Variants in GBP3 observed in about 807,000 individuals in gnomAD.
GBP3 encodes the protein guanylate binding protein 3.
A neutral mutation model predicts 62.4 loss-of-function variants in GBP3; 55 were observed. That is an observed-to-expected ratio of 0.88 (90% confidence interval 0.71 to 1.10). The LOEUF (loss-of-function observed/expected upper bound fraction) is 1.10, where lower values mean the gene tolerates loss of function less well. Among genes scored for constraint, GBP3 ranks in the 50% least tolerant of loss-of-function variants. GBP3 has a pLI of 0.00. For missense variants in GBP3, 605 were observed against 690.6 expected, an observed-to-expected ratio of 0.88 and a Z score of 1.39; for synonymous variants, 208 against 259.2, an observed-to-expected ratio of 0.80 and a Z score of 1.90.
chr1:89,022,176 T>G (rs1679277285), intron 1 of GBP3, among the ~76,000 whole-genome samples: 2 of 152,240 alleles, frequency 1.3e-5, no homozygotes, highest in Admixed American at 1.3e-4. Context: ...AATGTTCCTC[T>G]TTGATGCTGG....
chr1:89,014,780 A>G, intron 3 of GBP3, 124 bp from the exon 4 acceptor site: 1 of 1,184,498 alleles, frequency 8.4e-7, no homozygotes, highest in Non-Finnish European at 1.2e-6. Flanking sequence ...CTATGAAAAG[A>G]ACCCAAATCC....
chr1:89,015,056 A>G (rs533075299), intron 3 of GBP3, among the ~76,000 whole-genome samples: 1 of 152,240 alleles, frequency 6.6e-6, no homozygotes, highest in African/African-American at 2.4e-5. Context: ...CACATAGCTT[A>G]CAACCTATGG....
At chr1:89,015,473 A>T in intron 2 of GBP3, 59 bp from the exon 3 acceptor site, 5 of 1,513,798 alleles carry the variant, frequency 3.3e-6, no homozygotes, top group Non-Finnish European at 4.5e-6. Flanking sequence ...ACTTCAGGAA[A>T]TTGAGGCAAA....
rs985034618 is a variant in GBP3, at chr1:89,012,619, T to C, written c.868+566A>G. Among the ~76,000 whole-genome samples the C allele has an allele frequency of 1.3e-4, 18 of 138,810 alleles. 3 individuals are homozygous for C. Among genetic ancestry groups the C allele is most frequent in the African/African-American group, 4.0e-4 (16 of 40,498 alleles). 91.1% of individuals were successfully genotyped at this position (138,810 alleles called of 152,430 possible). On this transcript the variant is annotated intron_variant, in intron 6 of 10. Transcript: ENST00000370481. The stretch of plus-strand genomic sequence containing the variant: ...TTATTTTAATTAATTTACATTTACA[T>C]TTAGATAGCCCCACTTGTCTAGTGG...
chr1:89,013,947 C>G (rs1009696276), intron 5 of GBP3, 136 bp downstream of exon 5: 23 of 922,792 alleles, frequency 2.5e-5, no homozygotes, highest in Non-Finnish European at 3.2e-5. Context: ...TTGCTAATAG[C>G]AAGCATTAAT....
intron 3 of GBP3, 75 bp downstream of exon 3, chr1:89,015,212 T>C: frequency 4.2e-6 from 6 of 1,419,362 alleles, no homozygotes; most frequent in Non-Finnish European, 5.7e-6. Context: ...AACTCTTCTT[T>C]AAGAAAAAAC....
At position 89,008,683 on chromosome 1, in the gene GBP3, AT is replaced by A. The variant is rs535859348; in HGVS notation, c.1659+263del. On this transcript the variant is annotated intron_variant, in intron 10 of 10. Coordinates refer to ENST00000370481, the MANE Select transcript of GBP3 (RefSeq NM_018284.3). ...ATTAAGCAAGAGATATAGATAAGGC[AT>A]TTTTATGATGCCTAGCATATGACAG... 3.3e-5 allele frequency among the ~76,000 whole-genome samples: 5 copies of A among 152,110 alleles called. No homozygotes were observed. The South Asian group carries it at 1.0e-3, about 32-fold the overall frequency.
chr1:89,008,396 G>A (rs1678355999), intron 10 of GBP3, among the ~76,000 whole-genome samples: 1 of 150,080 alleles, frequency 6.7e-6, no homozygotes, highest in African/African-American at 2.5e-5. Flanking sequence ...AACACAAACT[G>A]TGAGTAGGGC....
chr1:89,017,614 A>G (rs1678955008), intron 2 of GBP3, among the ~76,000 whole-genome samples: 1 of 152,222 alleles, frequency 6.6e-6, no homozygotes, highest in African/African-American at 2.4e-5. Flanking sequence ...AATTCCTACA[A>G]TGCAACACAA....
At chr1:89,020,175 AC>A in intron 2 of GBP3, 1 of 417,384 alleles carries the variant, frequency 2.4e-6, no homozygotes, top group Non-Finnish European at 4.8e-6. Flanking sequence ...GGAAGTCAAG[AC>A]TGTGGTGAGC....
chr1:89,021,537 CACACA>C (rs1679209576), intron 1 of GBP3, among the ~76,000 whole-genome samples: 1 of 144,776 alleles, frequency 6.9e-6, no homozygotes, highest in Admixed American at 6.8e-5. Flanking sequence ...CACACACACA[CACACA>C]CACCCCAAAA....
In GBP3 at chr1:89,014,248, A is replaced by T; in HGVS notation, c.460T>A (p.Ser154Thr). The T allele has an allele frequency of 6.2e-7, 1 of 1,614,204 alleles. No homozygotes were observed. Among genetic ancestry groups the T allele is most frequent in the East Asian group, 2.2e-5 (1 of 44,890 alleles). ...TCATTCTCATCAGGTGAGGATTTTG[A>T]TCGGATTCGATGTGTCAGCTCTGTC... ...YVTELTHRIR[S>T]KSSPDENENE... The change falls in exon 5 of 11, where the codon TCA (serine) becomes ACA (threonine). Residue 154 changes from serine (S) to threonine (T), a missense_variant. This residue lies in a region of GBP3 where 308 missense variants were observed against 318.0 expected (regional missense o/e 0.97). Transcript: ENST00000370481.
At chr1:89,018,493 G>A (rs1427470964) in intron 2 of GBP3, among the ~76,000 whole-genome samples, 1 of 152,194 alleles carries the variant, frequency 6.6e-6, no homozygotes, top group Non-Finnish European at 1.5e-5. Context: ...CGGTTGTCTA[G>A]CTTCACGTCT....
At chr1:89,013,951 C>T in intron 5 of GBP3, 132 bp downstream of exon 5, 2 of 968,126 alleles carry the variant, frequency 2.1e-6, no homozygotes, top group Non-Finnish European at 3.1e-6. Context: ...TAATAGCAAG[C>T]ATTAATTCTT....
At position 89,015,333 on chromosome 1, in the gene GBP3, T is replaced by A. The variant is rs2296881; in HGVS notation, c.272A>T (p.His91Leu). ...CTCAGTGTCAAGCAGGACTAAGGTGTGTTCTGGCTTTTTGGGGTGAGGCAC... is the reference window on the plus strand; with the variant it reads ...CTCAGTGTCAAGCAGGACTAAGGTGAGTTCTGGCTTTTTGGGGTGAGGCAC... ...WCVPHPKKPE[H>L]TLVLLDTEGL... The change falls in exon 3 of 11, where the codon CAC (histidine) becomes CTC (leucine). Residue 91 changes from histidine (H) to leucine (L), a missense_variant. Coordinates refer to ENST00000370481, the MANE Select transcript of GBP3 (RefSeq NM_018284.3). The A allele has an allele frequency of 5.6e-6, 9 of 1,613,528 alleles. No homozygotes were observed. The East Asian group carries it at 2.0e-4, about 36-fold the overall frequency.
At chr1:89,015,018 G>T (rs1363103440) in intron 3 of GBP3, among the ~76,000 whole-genome samples, 1 of 152,142 alleles carries the variant, frequency 6.6e-6, no homozygotes, top group Non-Finnish European at 1.5e-5. Context: ...GGATTTATTT[G>T]TGCTCCCTTT....
chr1:89,010,474 C>T lies in GBP3; in HGVS notation c.1362+430G>A, dbSNP rs920497561. On this transcript the variant is annotated intron_variant, in intron 8 of 10. Transcript: ENST00000370481. ...TGGCTCTGTTGCCCAGGCCAGAGTG[C>T]TGAGGTGCAATCTTGGCTCACTGAA... 5.8e-5 allele frequency among the ~76,000 whole-genome samples: 8 copies of T among 137,066 alleles called. 1 individual carries two copies. In the Admixed American group the frequency reaches 6.0e-4, roughly 10 times the overall value. 89.9% of individuals were successfully genotyped at this position (137,066 alleles called of 152,430 possible).
chr1:89,007,824 C>T lies in GBP3; in HGVS notation c.1688G>A (p.Cys563Tyr). 6.2e-7 allele frequency: 1 copy of T among 1,613,526 alleles called. No homozygotes were observed. The highest frequency in any genetic ancestry group is 2.2e-5 in the East Asian group (1 of 44,854). ...QEQARVLKER[C>Y]QGESTQLQNE... ...TTGAAGTTGGGTACTTTCACCTTGG[C>T]ATCTCTCCTTTAGTACTCGGGCCTG... Residue 563 changes from cysteine (C) to tyrosine (Y), a missense_variant, in exon 11 of 11, where the codon TGC becomes TAC. Cys to Tyr is a radical substitution (Grantham distance 194, BLOSUM62 -2). Coordinates refer to ENST00000370481, the MANE Select transcript of GBP3 (RefSeq NM_018284.3).
At chr1:89,012,438 G>C (rs1319458306) in intron 6 of GBP3, among the ~76,000 whole-genome samples, 1 of 138,878 alleles carries the variant, frequency 7.2e-6, no homozygotes, top group South Asian at 2.4e-4. Flanking sequence ...ATCAAAAGGA[G>C]CCCTCCGTTT....
Sources: gnomAD v4.1 joint callset for allele counts (sites outside exome capture counted in the v4.1 genomes callset) on GRCh38, gnomAD v4.1.1 for gene constraint, gnomAD v4.1.1 regional missense constraint, MANE v1.5 for transcripts, NCBI Gene and HGNC (gene_info 2026-07-23, HGNC 2026-07-21) for gene names.